Variants in KCTD8 observed in about 807,000 individuals in gnomAD.
KCTD8 encodes the protein BTB/POZ domain-containing protein KCTD8.
Under a neutral mutation model 31.5 loss-of-function variants are expected in KCTD8, and 27 were observed. The observed-to-expected ratio is 0.86, with a 90% confidence interval of 0.63 to 1.18. KCTD8 has a LOEUF of 1.18. Ranked by LOEUF, KCTD8 falls within the 50% of genes most tolerant of loss-of-function variation. KCTD8 has a pLI of 0.00. For synonymous variants in KCTD8, 290 were observed against 280.0 expected, an observed-to-expected ratio of 1.04 and a Z score of -0.36; for missense variants, 658 against 647.7, an observed-to-expected ratio of 1.02 and a Z score of -0.17.
chr4:44,441,917 T>C (rs760514058), intron 1 of KCTD8, among the ~76,000 whole-genome samples: 1 of 152,218 alleles, frequency 6.6e-6, no homozygotes, highest in Non-Finnish European at 1.5e-5. Context: ...TGTGGCAATG[T>C]ATATGTATTG....
intron 1 of KCTD8, among the ~76,000 whole-genome samples, chr4:44,394,107 A>T (rs904345991): frequency 9.2e-5 from 14 of 152,038 alleles, no homozygotes; most frequent in Non-Finnish European, 1.8e-4. Flanking sequence ...ACTTATTTCA[A>T]AATATAGAAA....
At chr4:44,314,144 T>C (rs1718040556) in intron 1 of KCTD8, among the ~76,000 whole-genome samples, 1 of 152,170 alleles carries the variant, frequency 6.6e-6, no homozygotes, top group African/African-American at 2.4e-5. Flanking sequence ...GTTAATGATA[T>C]TACCCCAAGG....
intron 1 of KCTD8, among the ~76,000 whole-genome samples, chr4:44,367,200 A>T (rs1284185452): frequency 1.3e-5 from 2 of 152,120 alleles, no homozygotes; most frequent in Non-Finnish European, 2.9e-5. Context: ...TAGTGTCCTC[A>T]GGAGAACCCC....
At chr4:44,392,018 C>T (rs780658851) in intron 1 of KCTD8, among the ~76,000 whole-genome samples, 10 of 151,932 alleles carry the variant, frequency 6.6e-5, no homozygotes, top group East Asian at 5.8e-4. Flanking sequence ...AAGACTCTTA[C>T]GGAGTCTTAC....
chr4:44,259,070 A>G (rs546587523), intron 1 of KCTD8, among the ~76,000 whole-genome samples: 1 of 152,104 alleles, frequency 6.6e-6, no homozygotes, highest in Non-Finnish European at 1.5e-5. Flanking sequence ...CTGGGTTAGG[A>G]AACTTGTCTT....
At chr4:44,309,804 G>C (rs62304844) in intron 1 of KCTD8, among the ~76,000 whole-genome samples, 7,848 of 152,114 alleles carry the variant, frequency 0.052, 268 homozygotes, top group Non-Finnish European at 0.081. Context: ...AAAGCTTTTT[G>C]TGTTTTTGAT....
chr4:44,302,034 G>A (rs1463628790), intron 1 of KCTD8, among the ~76,000 whole-genome samples: 1 of 152,098 alleles, frequency 6.6e-6, no homozygotes, highest in African/African-American at 2.4e-5. Context: ...TTGTAGATAT[G>A]TGGCGTTATT....
intron 1 of KCTD8, among the ~76,000 whole-genome samples, chr4:44,177,515 C>A (rs139871017): frequency 0.031 from 4,774 of 152,200 alleles, 138 homozygotes; most frequent in Non-Finnish European, 0.044. Context: ...GGGAGGGACC[C>A]AGTGGGAGGT....
chr4:44,410,057 C>T (rs371304807), intron 1 of KCTD8, among the ~76,000 whole-genome samples: 21 of 152,152 alleles, frequency 1.4e-4, no homozygotes, highest in African/African-American at 4.8e-4. Flanking sequence ...AGCTATTTTC[C>T]GCAAAAGTAT....
rs76230521 is a variant in KCTD8 at position 44,389,617 on chromosome 4, A to G, written c.961+57946T>C. Among the ~76,000 whole-genome samples the G allele has an allele frequency of 3.6e-3, 542 of 151,864 alleles. 5 individuals are homozygous for G. Among genetic ancestry groups the G allele is most frequent in the African/African-American group, 0.013 (519 of 41,504 alleles). ...GTGTGGAATGGGGAATAGTTGTTTA[A>G]TGAGTATGGAGTTTAAGTTTTGCAA... On this transcript the variant is annotated intron_variant, in intron 1 of 1. Transcript: ENST00000360029.
chr4:44,255,832 C>T (rs79164928), intron 1 of KCTD8, among the ~76,000 whole-genome samples: 3,519 of 151,914 alleles, frequency 0.023, 148 homozygotes, highest in African/African-American at 0.081. Flanking sequence ...TTGACATCAG[C>T]AAATATATCT....
At chr4:44,241,415 A>G (rs1007856127) in intron 1 of KCTD8, among the ~76,000 whole-genome samples, 1 of 152,248 alleles carries the variant, frequency 6.6e-6, no homozygotes, top group Non-Finnish European at 1.5e-5. Flanking sequence ...ACACACGCAC[A>G]TTCGTTCAGA....
At chr4:44,345,046 A>G (rs552748906) in intron 1 of KCTD8, among the ~76,000 whole-genome samples, 1 of 152,252 alleles carries the variant, frequency 6.6e-6, no homozygotes, top group South Asian at 2.1e-4. Flanking sequence ...TTCTAGACAT[A>G]CTATAATTGA....
chr4:44,377,377 G>A (rs1166067989), intron 1 of KCTD8, among the ~76,000 whole-genome samples: 2 of 152,174 alleles, frequency 1.3e-5, no homozygotes, highest in Non-Finnish European at 2.9e-5. Context: ...CTAAGAGAAA[G>A]CACACTGGCA....
chr4:44,315,978 G>C (rs897285819), intron 1 of KCTD8, among the ~76,000 whole-genome samples: 2 of 152,042 alleles, frequency 1.3e-5, no homozygotes, highest in African/African-American at 4.8e-5. Context: ...GAAGACTTAG[G>C]TTTTCTACCC....
chr4:44,443,644 C>T lies in KCTD8; in HGVS notation c.961+3919G>A, dbSNP rs184466356. ...CAAATTTAAAGAATATCAAGTACAA[C>T]CTAGAGAAAGGTGTACATTCACACA... On this transcript the variant is annotated intron_variant, in intron 1 of 1. Transcript: ENST00000360029. Among the ~76,000 whole-genome samples, 279 of 152,196 alleles carry T rather than the reference C, an allele frequency of 1.8e-3. 1 individual carries two copies. The highest frequency in any genetic ancestry group is 6.3e-3 in the African/African-American group (262 of 41,510).
intron 1 of KCTD8, among the ~76,000 whole-genome samples, chr4:44,445,464 T>TATTTA: frequency 6.6e-6 from 1 of 152,314 alleles, no homozygotes; most frequent in South Asian, 2.1e-4. Context: ...ATAATATGAA[T>TATTTA]ATTTAACACT....
intron 1 of KCTD8, among the ~76,000 whole-genome samples, chr4:44,383,745 T>C (rs1247800193): frequency 1.3e-5 from 2 of 151,366 alleles, no homozygotes; most frequent in Non-Finnish European, 3.0e-5. Flanking sequence ...ACAAAGAAAA[T>C]GCTTCAGGAC....
chr4:44,253,316 A>G (rs1475821340), intron 1 of KCTD8, among the ~76,000 whole-genome samples: 1 of 151,610 alleles, frequency 6.6e-6, no homozygotes, highest in Non-Finnish European at 1.5e-5. Context: ...AGTTTTTAGT[A>G]GATATTGGCT....
Sources: gnomAD v4.1 joint callset for allele counts (sites outside exome capture counted in the v4.1 genomes callset) on GRCh38, gnomAD v4.1.1 for gene constraint, MANE v1.5 for transcripts, NCBI Gene and HGNC (gene_info 2026-07-23, HGNC 2026-07-21) for gene names.